The following IAH1 variants were observed in gnomAD, a reference collection of about 807,000 sequenced individuals.
IAH1 encodes the protein isoamyl acetate hydrolyzing esterase 1 (putative).
A neutral mutation model predicts 26.7 loss-of-function variants in IAH1; 24 were observed. The observed-to-expected ratio is 0.90, with a 90% CI of 0.65 to 1.26. The LOEUF (loss-of-function observed/expected upper bound fraction) is 1.26, where lower values mean the gene tolerates loss of function less well. IAH1 is among the 50% of genes most tolerant of loss of function. The pLI is 0.00. For synonymous variants in IAH1, 140 were observed against 118.5 expected, an observed-to-expected ratio of 1.18 and a Z score of -1.18; for missense variants, 300 against 299.9, an observed-to-expected ratio of 1.00 and a Z score of 0.00.
intron 6 of IAH1, among the ~76,000 whole-genome samples, chr2:9,495,955 C>T (rs1166279983): frequency 6.6e-6 from 1 of 151,260 alleles, no homozygotes; most frequent in Non-Finnish European, 1.5e-5. Flanking sequence ...CCACCTTGGC[C>T]TCCCAAAGTG....
chr2:9,498,724 T>G (rs554273626), downstream of IAH1, among the ~76,000 whole-genome samples: 7 of 152,344 alleles, frequency 4.6e-5, no homozygotes, highest in East Asian at 1.3e-3. Context: ...AAACTATTAC[T>G]GAAAGTATGA....
chr2:9,475,682 G>T, intron 1 of IAH1: 1 of 393,812 alleles, frequency 2.5e-6, no homozygotes, highest in Non-Finnish European at 4.7e-6. Flanking sequence ...TGTAATTTTA[G>T]TAGAGACGGG....
chr2:9,482,824 G>A (rs1463101511), intron 4 of IAH1, among the ~76,000 whole-genome samples: 5 of 152,216 alleles, frequency 3.3e-5, no homozygotes, highest in Admixed American at 3.3e-4. Flanking sequence ...CCCAGCCTGC[G>A]GGACGTGGTG....
At chr2:9,484,256 G>A (rs1272920393) in intron 4 of IAH1, among the ~76,000 whole-genome samples, 176 bp from the exon 5 acceptor site, 1 of 152,216 alleles carries the variant, frequency 6.6e-6, no homozygotes, top group Non-Finnish European at 1.5e-5. Flanking sequence ...GCTGGGTAGA[G>A]CAGCACACCA....
intron 4 of IAH1, among the ~76,000 whole-genome samples, chr2:9,483,711 C>G (rs781569859): frequency 1.3e-5 from 2 of 152,186 alleles, no homozygotes; most frequent in Non-Finnish European, 2.9e-5. Context: ...TCCCCAGATA[C>G]TGCACTCCAG....
the IAH1 span, among the ~76,000 whole-genome samples, chr2:9,508,862 T>C: frequency 1.3e-5 from 2 of 151,646 alleles, no homozygotes; most frequent in Non-Finnish European, 1.5e-5. Context: ...CAAAAAGGGG[T>C]AGAAAAATGT....
exon 6 of IAH1, chr2:9,494,801 G>A (rs763276185): frequency 6.2e-7 from 1 of 1,609,726 alleles, no homozygotes; most frequent in South Asian, 1.1e-5. Flanking sequence ...CAGCTGGATT[G>A]TTCTGAGACC....
chr2:9,494,797 G>A (rs1437630073), exon 6 of IAH1: 1 of 1,612,070 alleles, frequency 6.2e-7, no homozygotes, highest in Non-Finnish European at 8.5e-7. Context: ...TTGACAGCTG[G>A]ATTGTTCTGA....
In IAH1 at chr2:9,488,373, A is replaced by C; in HGVS notation, c.*44A>C. 6.7e-7 allele frequency: 1 copy of C among 1,484,960 alleles called. No individual in the cohort carries two copies. Among genetic ancestry groups the C allele is most frequent in the Non-Finnish European group, 9.1e-7 (1 of 1,104,304 alleles). 92.0% of individuals were successfully genotyped at this position (1,484,960 alleles called of 1,614,324 possible). On this transcript the variant is annotated 3_prime_UTR_variant, in exon 6 of 6. Coordinates refer to ENST00000497473, the MANE Select transcript of IAH1 (RefSeq NM_001039613.3). The stretch of plus-strand genomic sequence containing the variant: ...AATCTGCTTGTTATCTACAGAACTC[A>C]AAGTTGTCAATACGTAGAGGTACGC...
At chr2:9,481,559 G>T in intron 4 of IAH1, 112 bp downstream of exon 4, 1 of 861,432 alleles carries the variant, frequency 1.2e-6, no homozygotes. Context: ...GGCTCGGTAT[G>T]TCCATTTCAG....
At chr2:9,487,857 G>C (rs553625625) in intron 5 of IAH1, among the ~76,000 whole-genome samples, 3 of 149,886 alleles carry the variant, frequency 2.0e-5, no homozygotes, top group Non-Finnish European at 4.4e-5. Flanking sequence ...CGCGCTGTGG[G>C]GGGAGACAGT....
the IAH1 span, among the ~76,000 whole-genome samples, chr2:9,510,403 C>T: frequency 1.3e-5 from 2 of 152,156 alleles, no homozygotes; most frequent in Non-Finnish European, 2.9e-5. Context: ...TGGTGGCTCA[C>T]GCCTGTAATC....
chr2:9,496,790 T>C (rs1294949157), downstream of IAH1, among the ~76,000 whole-genome samples: 1 of 152,190 alleles, frequency 6.6e-6, no homozygotes, highest in African/African-American at 2.4e-5. Context: ...TTGTATGATA[T>C]GGAGCAGAGG....
At chr2:9,477,265 G>C (rs978055610) in intron 2 of IAH1, among the ~76,000 whole-genome samples, 1 of 152,034 alleles carries the variant, frequency 6.6e-6, no homozygotes, top group African/African-American at 2.4e-5. Context: ...GTTCTCCGCG[G>C]GTGCCCCAGC....
downstream of IAH1, among the ~76,000 whole-genome samples, chr2:9,499,765 G>A (rs572874550): frequency 6.0e-4 from 91 of 152,058 alleles, no homozygotes; most frequent in Non-Finnish European, 1.2e-3. Context: ...TAAAAACATG[G>A]GCAACATGTC....
downstream of IAH1, chr2:9,490,595 T>C: frequency 7.2e-7 from 1 of 1,383,070 alleles, no homozygotes; most frequent in Non-Finnish European, 9.7e-7. Flanking sequence ...CCCTTACCCA[T>C]CAAACAGCCT....
At chr2:9,479,014 G>T (rs543546004) in intron 3 of IAH1, among the ~76,000 whole-genome samples, 4 of 152,306 alleles carry the variant, frequency 2.6e-5, no homozygotes, top group Middle Eastern at 3.4e-3. Flanking sequence ...TCACAGAAGT[G>T]CTGTGGTCTG....
intron 4 of IAH1, among the ~76,000 whole-genome samples, chr2:9,482,210 G>C (rs968143689): frequency 1.3e-5 from 2 of 152,024 alleles, no homozygotes; most frequent in African/African-American, 4.8e-5. Context: ...TGCATTTTTA[G>C]TAGAGACGGG....
At chr2:9,486,821 C>G (rs1445088632) in intron 5 of IAH1, 1 of 149,260 alleles carries the variant, frequency 6.7e-6, no homozygotes, top group Non-Finnish European at 1.5e-5. Flanking sequence ...AAGAGTGAGA[C>G]TCTAGCTCAA....
Sources: gnomAD v4.1 joint callset for allele counts (sites outside exome capture counted in the v4.1 genomes callset) on GRCh38, gnomAD v4.1.1 for gene constraint, MANE v1.5 for transcripts, NCBI Gene and HGNC (gene_info 2026-07-23, HGNC 2026-07-21) for gene names.